Variants in CDH12 observed in about 807,000 individuals in gnomAD.
CDH12 encodes the protein cadherin-12.
CDH12 carries 41 observed loss-of-function variants against 74.1 expected under a neutral mutation model. The observed-to-expected ratio is 0.55, with a 90% CI of 0.43 to 0.72. The LOEUF is 0.72. CDH12 is among the 30% of genes least tolerant of loss of function. The probability of loss-of-function intolerance (pLI) is 0.00; values close to 1 mark genes in which losing one functional copy is unlikely to be tolerated. For missense variants in CDH12, 945 were observed against 977.2 expected (o/e 0.97, Z 0.44); for synonymous variants, 399 against 355.0 (o/e 1.12, Z -1.39).
intron 1 of CDH12, among the ~76,000 whole-genome samples, chr5:22,721,456 G>A (rs769341599): frequency 6.6e-6 from 1 of 152,218 alleles, no homozygotes; most frequent in Admixed American, 6.5e-5. Flanking sequence ...TACCCTCATT[G>A]TATCTTGGAA....
intron 6 of CDH12, among the ~76,000 whole-genome samples, chr5:21,885,710 T>A (rs936739102): frequency 6.6e-6 from 1 of 152,234 alleles, no homozygotes; most frequent in Non-Finnish European, 1.5e-5. Context: ...TATTTTGTTT[T>A]TATAGAGCTT....
In CDH12 at chr5:21,872,894, C is replaced by CATCCATCTATCTATCTATCTATCTATCT. The variant is rs142549636; in HGVS notation, c.527-18105_527-18104insAGATAGATAGATAGATAGATAGATGGAT. Among the ~76,000 whole-genome samples, 9 of 146,850 alleles carry CATCCATCTATCTATCTATCTATCTATCT rather than the reference C, an allele frequency of 6.1e-5. No individual in the cohort carries two copies. In the East Asian group the frequency reaches 1.0e-3, roughly 16 times the overall value. On this transcript the variant is annotated intron_variant, in intron 6 of 14. Coordinates refer to ENST00000382254, the MANE Select transcript of CDH12 (RefSeq NM_004061.5). ...ATATATCAATCACCTACCTATCATC[C>CATCCATCTATCTATCTATCTATCTATCT]ATCTATCTATCTATCTATCTATCTA...
chr5:22,813,567 C>T (rs756132236), intron 1 of CDH12, among the ~76,000 whole-genome samples: 30 of 151,838 alleles, frequency 2.0e-4, no homozygotes, highest in East Asian at 1.9e-4. Context: ...TATAGTACAG[C>T]GAAGGTGATG....
chr5:22,618,328 TG>T (rs1254113492), intron 1 of CDH12, among the ~76,000 whole-genome samples: 6 of 152,116 alleles, frequency 3.9e-5, no homozygotes, highest in Non-Finnish European at 8.8e-5. Flanking sequence ...TCCAGATGCC[TG>T]GGCACCAGGG....
intron 3 of CDH12, among the ~76,000 whole-genome samples, chr5:22,261,788 CAA>C (rs34114097): frequency 0.42 from 61,230 of 144,464 alleles, 13,276 homozygotes; most frequent in Admixed American, 0.53. Flanking sequence ...GAAAGAAAGC[CAA>C]AAAAAAAAAA....
At chr5:22,736,158 G>T (rs1437953070) in intron 1 of CDH12, among the ~76,000 whole-genome samples, 1 of 151,688 alleles carries the variant, frequency 6.6e-6, no homozygotes, top group Non-Finnish European at 1.5e-5. Flanking sequence ...CATTTTGTAT[G>T]CAAGAATAAA....
At chr5:22,204,635 C>A (rs975364201) in intron 4 of CDH12, among the ~76,000 whole-genome samples, 4 of 152,178 alleles carry the variant, frequency 2.6e-5, no homozygotes, top group African/African-American at 9.7e-5. Flanking sequence ...ACACAGGCAT[C>A]AATGAAGCTG....
At chr5:21,919,566 C>CT (rs1754258902) in intron 6 of CDH12, among the ~76,000 whole-genome samples, 1 of 152,102 alleles carries the variant, frequency 6.6e-6, no homozygotes, top group Non-Finnish European at 1.5e-5. Flanking sequence ...TTTGCACAGT[C>CT]TGTCATTTTC....
At chr5:22,035,216 A>C (rs1049676731) in intron 5 of CDH12, among the ~76,000 whole-genome samples, 6 of 152,108 alleles carry the variant, frequency 3.9e-5, no homozygotes, top group African/African-American at 1.4e-4. Context: ...GAAAATTGGA[A>C]TGATTTGGAG....
At chr5:22,032,083 A>G (rs1052733382) in intron 5 of CDH12, among the ~76,000 whole-genome samples, 17 of 151,802 alleles carry the variant, frequency 1.1e-4, no homozygotes, top group African/African-American at 3.4e-4. Context: ...AGGATGTATG[A>G]CAATATTATA....
At chr5:22,218,905 A>G (rs898132490) in intron 3 of CDH12, among the ~76,000 whole-genome samples, 2 of 151,742 alleles carry the variant, frequency 1.3e-5, no homozygotes, top group Non-Finnish European at 1.5e-5. Context: ...AAAATCACCT[A>G]CTTTATATTT....
At chr5:22,498,755 T>C (rs572443588) in intron 2 of CDH12, among the ~76,000 whole-genome samples, 1 of 151,984 alleles carries the variant, frequency 6.6e-6, no homozygotes, top group Non-Finnish European at 1.5e-5. Flanking sequence ...GGGTATAATA[T>C]GATGGTGAGA....
intron 10 of CDH12, among the ~76,000 whole-genome samples, chr5:21,793,072 A>T (rs748481160): frequency 6.6e-6 from 1 of 151,392 alleles, no homozygotes; most frequent in African/African-American, 2.4e-5. Context: ...GATCATTTCA[A>T]TTTTTTTTCC....
chr5:21,975,068 A>G (rs374557427), intron 6 of CDH12, 23 bp downstream of exon 6: 116 of 1,531,006 alleles, frequency 7.6e-5, no homozygotes, highest in Non-Finnish European at 8.7e-5. Context: ...TGTATCTCAC[A>G]GAATTTTGAT....
At chr5:22,405,400 T>C (rs1158526440) in intron 2 of CDH12, 49 bp from the exon 3 acceptor site, 1 of 397,916 alleles carries the variant, frequency 2.5e-6, no homozygotes, top group African/African-American at 2.2e-5. Context: ...AGACTCTCTG[T>C]ATTCTGTGCA....
intron 1 of CDH12, among the ~76,000 whole-genome samples, chr5:22,603,262 A>T (rs1580808021): frequency 6.6e-6 from 1 of 152,350 alleles, no homozygotes; most frequent in East Asian, 1.9e-4. Flanking sequence ...AAATAAATGC[A>T]TGCATAAATA....
chr5:22,140,440 G>C (rs1746721225), intron 4 of CDH12, among the ~76,000 whole-genome samples: 1 of 136,248 alleles, frequency 7.3e-6, no homozygotes, highest in Non-Finnish European at 1.7e-5. Context: ...AGTGTATAAA[G>C]TAAAAAGAGA....
At chr5:22,616,217 G>C (rs1178802915) in intron 1 of CDH12, among the ~76,000 whole-genome samples, 1 of 152,074 alleles carries the variant, frequency 6.6e-6, no homozygotes, top group East Asian at 1.9e-4. Flanking sequence ...AGGAGAGAGA[G>C]AGAATTAGGA....
chr5:22,342,881 C>T (rs1301682597), intron 3 of CDH12, among the ~76,000 whole-genome samples: 1 of 151,196 alleles, frequency 6.6e-6, no homozygotes, highest in East Asian at 2.0e-4. Flanking sequence ...TGGAGTCTCA[C>T]TCTGTTGCCC....
Sources: gnomAD v4.1 joint callset for allele counts (sites outside exome capture counted in the v4.1 genomes callset) on GRCh38, gnomAD v4.1.1 for gene constraint, MANE v1.5 for transcripts, NCBI Gene and HGNC (gene_info 2026-07-23, HGNC 2026-07-21) for gene names.